Variants in CPXM2 observed in about 807,000 individuals in gnomAD.
CPXM2 encodes inactive carboxypeptidase-like protein X2.
In CPXM2, 66 loss-of-function variants were observed where a neutral mutation model predicts 86.1. The observed-to-expected ratio is 0.77, with a 90% CI of 0.63 to 0.94. The LOEUF is 0.94. CPXM2 is among the 40% of genes least tolerant of loss of function. The probability of loss-of-function intolerance (pLI) is 0.00; values close to 1 mark genes in which losing one functional copy is unlikely to be tolerated. For missense variants in CPXM2, 948 were observed against 1,026.3 expected (o/e 0.92, Z 1.04); for synonymous variants, 388 against 400.2 (o/e 0.97, Z 0.36).
At chr10:123,844,046 G>A (rs900170678) in intron 3 of CPXM2, among the ~76,000 whole-genome samples, 4 of 152,092 alleles carry the variant, frequency 2.6e-5, no homozygotes, top group African/African-American at 9.7e-5. Context: ...GGAATGGAGA[G>A]CTCTTCCCAA....
intron 2 of CPXM2, among the ~76,000 whole-genome samples, chr10:123,928,547 C>T (rs2134284603): frequency 6.6e-6 from 1 of 152,294 alleles, no homozygotes; most frequent in South Asian, 2.1e-4. Flanking sequence ...TAGAAACATC[C>T]CTATCTCTAT....
intron 4 of CPXM2, among the ~76,000 whole-genome samples, chr10:123,831,606 G>A (rs562433911): frequency 6.6e-6 from 1 of 152,234 alleles, no homozygotes; most frequent in South Asian, 2.1e-4. Context: ...CATTCCTCCT[G>A]TGGGCCCTGA....
intron 4 of CPXM2, among the ~76,000 whole-genome samples, chr10:123,825,694 T>TA (rs1018852263): frequency 1.3e-5 from 2 of 152,072 alleles, no homozygotes; most frequent in Non-Finnish European, 2.9e-5. Context: ...CACCTTTTGT[T>TA]AAAAAAAGAG....
At chr10:123,794,398 G>A (rs537221089) in intron 6 of CPXM2, among the ~76,000 whole-genome samples, 5 of 152,192 alleles carry the variant, frequency 3.3e-5, no homozygotes, top group Non-Finnish European at 7.3e-5. Context: ...CATTTGCTAG[G>A]ATGCTGGGTG....
At chr10:123,800,541 G>A (rs940247611) in intron 4 of CPXM2, among the ~76,000 whole-genome samples, 1 of 152,162 alleles carries the variant, frequency 6.6e-6, no homozygotes, top group African/African-American at 2.4e-5. Flanking sequence ...ACTTGTAGCT[G>A]CCGTTCCTTT....
At chr10:123,764,693 G>A (rs1334461080) in intron 10 of CPXM2, among the ~76,000 whole-genome samples, 1 of 152,004 alleles carries the variant, frequency 6.6e-6, no homozygotes, top group Non-Finnish European at 1.5e-5. Context: ...CACCATGTTG[G>A]CCATGCTAGT....
upstream of CPXM2, among the ~76,000 whole-genome samples, chr10:123,941,684 C>T (rs1180989136): frequency 1.3e-5 from 2 of 152,214 alleles, no homozygotes; most frequent in Non-Finnish European, 2.9e-5. Flanking sequence ...ACGTAAGACC[C>T]TCCCACCTGC....
chr10:123,792,747 C>G (rs543524013), intron 6 of CPXM2, among the ~76,000 whole-genome samples: 1 of 152,220 alleles, frequency 6.6e-6, no homozygotes, highest in Non-Finnish European at 1.5e-5. Flanking sequence ...TTGTTATCCC[C>G]AGACCTTCTG....
chr10:123,755,528 G>A (rs1057322738), intron 12 of CPXM2, among the ~76,000 whole-genome samples: 8 of 152,230 alleles, frequency 5.3e-5, no homozygotes, highest in Admixed American at 2.6e-4. Context: ...GATCTGAGAC[G>A]GTTCACAGAA....
chr10:123,799,795 C>T (rs1847414769), intron 4 of CPXM2, among the ~76,000 whole-genome samples: 1 of 152,208 alleles, frequency 6.6e-6, no homozygotes, highest in African/African-American at 2.4e-5. Flanking sequence ...ATACCCCCAT[C>T]ATCACACCCT....
chr10:123,817,489 GTCA>G (rs1025042050), intron 4 of CPXM2, among the ~76,000 whole-genome samples: 5 of 152,122 alleles, frequency 3.3e-5, no homozygotes, highest in African/African-American at 9.7e-5. Context: ...TTGTCTATGG[GTCA>G]TCAAGTCACC....
intron 4 of CPXM2, among the ~76,000 whole-genome samples, chr10:123,828,814 A>G (rs1848100026): frequency 6.6e-6 from 1 of 152,256 alleles, no homozygotes; most frequent in Non-Finnish European, 1.5e-5. Context: ...TTGATAAAAG[A>G]AATTCTTAAA....
At chr10:123,787,259 A>T (rs1260049413) in intron 6 of CPXM2, among the ~76,000 whole-genome samples, 2 of 152,182 alleles carry the variant, frequency 1.3e-5, no homozygotes, top group Non-Finnish European at 2.9e-5. Flanking sequence ...GAAAGGTGGA[A>T]GGAAGCCCCA....
intron 4 of CPXM2, among the ~76,000 whole-genome samples, chr10:123,808,489 T>G (rs996113645): frequency 6.6e-6 from 1 of 151,820 alleles, no homozygotes; most frequent in Non-Finnish European, 1.5e-5. Flanking sequence ...AGGATCAGAG[T>G]ACTAAGCCTG....
At chr10:123,761,783 G>T in intron 11 of CPXM2, 89 bp downstream of exon 11, 1 of 1,331,210 alleles carries the variant, frequency 7.5e-7, no homozygotes, top group Non-Finnish European at 1.0e-6. Flanking sequence ...AGTGACAACA[G>T]GACAGTAGTG....
intron 2 of CPXM2, among the ~76,000 whole-genome samples, chr10:123,869,897 G>A (rs1944863506): frequency 6.6e-6 from 1 of 152,088 alleles, no homozygotes; most frequent in Non-Finnish European, 1.5e-5. Flanking sequence ...GAAATTCCAG[G>A]ACACAGTCAG....
intron 6 of CPXM2, among the ~76,000 whole-genome samples, chr10:123,790,853 C>T (rs1249227347): frequency 6.6e-6 from 1 of 152,132 alleles, no homozygotes; most frequent in Non-Finnish European, 1.5e-5. Flanking sequence ...GGTGGACATT[C>T]TAATCAAGTT....
chr10:123,894,990 G>A (rs533138881), upstream of CPXM2, among the ~76,000 whole-genome samples: 4 of 152,126 alleles, frequency 2.6e-5, no homozygotes, highest in East Asian at 5.8e-4. Flanking sequence ...AATCTGCAGG[G>A]CTAACCAATC....
rs1589978211 is a variant in CPXM2 at position 123,768,796 on chromosome 10, G to T, written c.1103-74C>A. The T allele has an allele frequency of 3.8e-6, 5 of 1,318,342 alleles. No homozygotes were observed. In the East Asian group the frequency reaches 1.2e-4, roughly 31 times the overall value. 81.7% of individuals were successfully genotyped at this position (1,318,342 alleles called of 1,614,324 possible). On this transcript the variant is annotated intron_variant, in intron 8 of 13. Coordinates refer to ENST00000241305, the MANE Select transcript of CPXM2 (RefSeq NM_198148.3). ...GGCCAAACGGTGCTTGTCACATTGT[G>T]TTGGGGGGAAAGTCTTGAATAATAT...
Sources: gnomAD v4.1 joint callset for allele counts (sites outside exome capture counted in the v4.1 genomes callset) on GRCh38, gnomAD v4.1.1 for gene constraint, MANE v1.5 for transcripts, NCBI Gene and HGNC (gene_info 2026-07-23, HGNC 2026-07-21) for gene names.